CLCNKB: variants seen among roughly 807,000 people sequenced by gnomAD.
CLCNKB encodes the protein chloride channel protein ClC-Kb.
In CLCNKB, 74 loss-of-function variants were observed where a neutral mutation model predicts 83.8. That is an observed-to-expected ratio of 0.88 (90% CI 0.73 to 1.07). CLCNKB has a LOEUF of 1.07. CLCNKB is among the 50% of genes least tolerant of loss of function. The pLI is 0.00. For missense variants in CLCNKB, 798 were observed against 893.6 expected, an observed-to-expected ratio of 0.89 and a Z score of 1.36; for synonymous variants, 358 against 356.6, an observed-to-expected ratio of 1.00 and a Z score of -0.04.
Position 16,049,720 on chromosome 1 carries a change from G to A in CLCNKB, c.866+18G>A, listed in dbSNP as rs774528096. 1.3e-5 allele frequency: 20 copies of A among 1,588,826 alleles called. No homozygotes were observed. The Admixed American group carries it at 3.3e-4, about 27-fold the overall frequency. Reference sequence around the variant, plus strand: ...GCGCTGGGGTGAGTGGGTGCCTTGGGCCCCTGAGAGTCCAAAAGGCATTCC... The same window carrying A: ...GCGCTGGGGTGAGTGGGTGCCTTGGACCCCTGAGAGTCCAAAAGGCATTCC... On this transcript the variant is annotated intron_variant, in intron 9 of 19. Transcript: ENST00000375679.
At position 16,055,451 on chromosome 1, in the gene CLCNKB, G is replaced by C; in HGVS notation, c.1773G>C (p.Val591=). 1 of 1,613,512 alleles carries C rather than the reference G, an allele frequency of 6.2e-7. No individual in the cohort carries two copies. Among genetic ancestry groups the C allele is most frequent in the South Asian group, 1.1e-5 (1 of 91,066 alleles). Residue 591 remains valine, a synonymous_variant, in exon 17 of 20, where the codon GTG becomes GTC. Transcript: ENST00000375679. ...LVESTESQIL[V]GIVRRAQLVQ... ...ACTTGCCAGAGTCCCAGATCCTGGT[G>C]GGCATAGTGCGAAGGGCCCAGCTGG...
rs763456347 is a variant in CLCNKB at position 16,051,803 on chromosome 1, G to C, written c.1391G>C (p.Gly464Ala). The change falls in exon 14 of 20, where the codon GGG becomes GCG. Residue 464 changes from glycine (G) to alanine (A), a missense_variant. Gly to Ala is a moderately conservative substitution (Grantham distance 60). Coordinates refer to ENST00000375679, the MANE Select transcript of CLCNKB (RefSeq NM_000085.5). ...AGGITNPIMP[G>A]GYALAGAAAF... is the part of the protein sequence containing the mutation. ...GGGATCACCAATCCCATCATGCCAG[G>C]GGGGTATGCTCTGGCAGGTGAGTGG... The C allele has an allele frequency of 1.9e-6, 3 of 1,612,774 alleles. No homozygotes were observed. The highest frequency in any genetic ancestry group is 1.7e-4 in the Middle Eastern group (1 of 6,058).
intron 4 of CLCNKB, 27 bp from the exon 5 acceptor site, chr1:16,047,878 C>T (rs762742496): frequency 6.8e-6 from 11 of 1,612,394 alleles, no homozygotes; most frequent in East Asian, 6.7e-5. Context: ...GATTGTCCCC[C>T]TCCTGGCCCT....
At position 16,054,444 on chromosome 1, in the gene CLCNKB, C is replaced by A. The variant is rs1024263100; in HGVS notation, c.1756+672C>A. 5.9e-5 allele frequency among the ~76,000 whole-genome samples: 9 copies of A among 152,118 alleles called. 1 individual carries two copies. The highest frequency in any genetic ancestry group is 1.9e-4 in the African/African-American group (8 of 41,398). On this transcript the variant is annotated intron_variant, in intron 16 of 19. Transcript: ENST00000375679. ...GCAACCTGTACAACCATATGGGTCA[C>A]CCCTATGCCCACCCCAAGAGGGATA... is the stretch of plus-strand genomic sequence containing the variant.
At position 16,051,806 on chromosome 1, in the gene CLCNKB, G is replaced by C. The variant is rs757710314; in HGVS notation, c.1394G>C (p.Gly465Ala). ...GGITNPIMPG[G>A]YALAGAAAFS... is the part of the protein sequence containing the mutation. ...ATCACCAATCCCATCATGCCAGGGG[G>C]GTATGCTCTGGCAGGTGAGTGGGTC... The change falls in exon 14 of 20, where the codon GGG becomes GCG. Residue 465 changes from glycine (G) to alanine (A), a missense_variant. Physicochemically the swap from Gly to Ala is moderately conservative, Grantham distance 60. Transcript: ENST00000375679. 1.2e-6 allele frequency: 2 copies of C among 1,612,224 alleles called. No homozygotes were observed. Among genetic ancestry groups the C allele is most frequent in the Middle Eastern group, 1.7e-4 (1 of 6,052 alleles).
intron 8 of CLCNKB, 129 bp downstream of exon 8, chr1:16,049,374 C>T: frequency 2.0e-6 from 3 of 1,531,544 alleles, no homozygotes; most frequent in Non-Finnish European, 2.6e-6. Context: ...CTTCCTTGTT[C>T]CCACCTCCTT....
At position 16,051,347 on chromosome 1, in the gene CLCNKB, C is replaced by T. The variant is rs758996808; in HGVS notation, c.1228-131C>T. On this transcript the variant is annotated intron_variant, in intron 12 of 19. Transcript: ENST00000375679. Reference sequence around the variant, plus strand: ...GTGAGGACCCTCCCCTAATGCCAGACTCTGGCAGTGGGTGCATGGCCGGCA... The same window carrying T: ...GTGAGGACCCTCCCCTAATGCCAGATTCTGGCAGTGGGTGCATGGCCGGCA... 173 of 1,221,428 alleles carry T rather than the reference C, an allele frequency of 1.4e-4. 1 individual carries two copies. Among genetic ancestry groups the T allele is most frequent in the Non-Finnish European group, 1.9e-4 (153 of 826,362 alleles). 75.7% of individuals were successfully genotyped at this position (1,221,428 alleles called of 1,614,324 possible).
Position 16,052,317 on chromosome 1 carries a change from G to T in CLCNKB, c.1528G>T (p.Ala510Ser). 1.9e-6 allele frequency: 3 copies of T among 1,613,150 alleles called. No homozygotes were observed. Among genetic ancestry groups the T allele is most frequent in the Non-Finnish European group, 2.5e-6 (3 of 1,180,036 alleles). The change falls in exon 15 of 20, where the codon GCC becomes TCC. Residue 510 changes from alanine (A) to serine (S), a missense_variant. Transcript: ENST00000375679. ...GCTGATGGCGGTGCTGGCAGCCAAC[G>T]CCATTGCACAGAGCTGCCAGCCCTC... ...PVLMAVLAANAIAQSCQPSFY... is the reference protein window; with the variant it reads ...PVLMAVLAANSIAQSCQPSFY...
At chr1:16,048,941 T>C in intron 7 of CLCNKB, 179 bp from the exon 8 acceptor site, 11 of 1,483,670 alleles carry the variant, frequency 7.4e-6, no homozygotes, top group Non-Finnish European at 8.9e-6. Flanking sequence ...GACGGGTCTC[T>C]GGGCAGCGGG....
Position 16,051,633 on chromosome 1 carries a change from T to C in CLCNKB, c.1298-77T>C, listed in dbSNP as rs538627837. The stretch of plus-strand genomic sequence containing the variant: ...CTGGTTCACCCTCCCCAGGTTGTAC[T>C]GAGGACGGTCCTCAGGGATGGAGGG... On this transcript the variant is annotated intron_variant, in intron 13 of 19. Transcript: ENST00000375679. 3.1e-6 allele frequency: 5 copies of C among 1,605,178 alleles called. No homozygotes were observed. In the East Asian group the frequency reaches 1.1e-4, roughly 36 times the overall value.
intron 15 of CLCNKB, 23 bp from the exon 16 acceptor site, chr1:16,053,616 G>A (rs372572516): frequency 1.2e-5 from 19 of 1,613,636 alleles, no homozygotes; most frequent in Non-Finnish European, 1.6e-5. Context: ...TGTGGGGCCT[G>A]ATGGGAGCCC....
At chr1:16,050,795 G>A in intron 11 of CLCNKB, 80 bp from the exon 12 acceptor site, 2 of 1,596,580 alleles carry the variant, frequency 1.3e-6, no homozygotes, top group Non-Finnish European at 8.5e-7. Flanking sequence ...AGGATTCCAG[G>A]CGGGGTCAGG....
chr1:16,048,191 C>A, intron 5 of CLCNKB, 147 bp downstream of exon 5: 5 of 1,433,062 alleles, frequency 3.5e-6, no homozygotes, highest in African/African-American at 1.4e-5. Context: ...AGAGGCAGGC[C>A]AGGTCCCCGG....
intron 4 of CLCNKB, among the ~76,000 whole-genome samples, chr1:16,047,697 C>T (rs1417994148): frequency 6.6e-6 from 1 of 152,104 alleles, no homozygotes; most frequent in East Asian, 1.9e-4. Context: ...TGAGCCCTGG[C>T]AACTGAGGCT....
chr1:16,046,647 C>A lies in CLCNKB; in HGVS notation c.342C>A (p.Ile114=), dbSNP rs1209297324. ...VSFSSGFSQS[I]TPSSGGSGIP... is the part of the protein sequence containing the mutation. Reference sequence around the variant, plus strand: ...TCTCTTCAGGCTTCTCTCAGAGCATCACACCCTCCTCTGGAGGTGAGTCCA... The same window carrying A: ...TCTCTTCAGGCTTCTCTCAGAGCATAACACCCTCCTCTGGAGGTGAGTCCA... The change falls in exon 4 of 20, where the codon ATC becomes ATA. Residue 114 remains isoleucine, a synonymous_variant. Transcript: ENST00000375679. 3 of 1,613,964 alleles carry A rather than the reference C, an allele frequency of 1.9e-6. No individual in the cohort carries two copies. Among genetic ancestry groups the A allele is most frequent in the South Asian group, 2.2e-5 (2 of 91,090 alleles).
chr1:16,046,091 A>G (rs1464902974), intron 3 of CLCNKB, among the ~76,000 whole-genome samples: 1 of 152,106 alleles, frequency 6.6e-6, no homozygotes, highest in African/African-American at 2.4e-5. Flanking sequence ...GCCTCCCTGG[A>G]AGAGGGGGTG....
intron 17 of CLCNKB, 50 bp downstream of exon 17, chr1:16,055,573 A>C (rs1304014712): frequency 6.5e-7 from 1 of 1,537,534 alleles, no homozygotes; most frequent in Non-Finnish European, 9.0e-7. Flanking sequence ...GGTCAGCAGG[A>C]ATGGGAGGAG....
intron 15 of CLCNKB, among the ~76,000 whole-genome samples, 161 bp from the exon 16 acceptor site, chr1:16,053,478 C>T (rs553551604): frequency 3.7e-4 from 56 of 152,212 alleles, no homozygotes; most frequent in East Asian, 2.5e-3. Context: ...TTCCTCTCAC[C>T]GTGGGTTCTA....
intron 1 of CLCNKB, among the ~76,000 whole-genome samples, chr1:16,044,234 G>A (rs1328425970): frequency 3.0e-5 from 3 of 100,382 alleles, no homozygotes; most frequent in African/African-American, 5.4e-5. Flanking sequence ...TCTGCTGCTG[G>A]ACACAGGGGG....
Sources: allele counts gnomAD v4.1 joint callset (sites outside exome capture counted in the v4.1 genomes callset), GRCh38; gene constraint gnomAD v4.1.1; transcripts MANE v1.5; gene names NCBI Gene and HGNC (gene_info 2026-07-23, HGNC 2026-07-21).